GPHN: variants seen among roughly 807,000 people sequenced by gnomAD.
The protein encoded by GPHN is gephyrin.
GPHN carries 17 observed loss-of-function variants against 95.5 expected under a neutral mutation model. That is an observed-to-expected ratio of 0.18 (90% CI 0.12 to 0.27). GPHN has a LOEUF of 0.27. GPHN is among the 10% of genes least tolerant of loss of function. The probability of loss-of-function intolerance (pLI) is 1.00; values close to 1 mark genes in which losing one functional copy is unlikely to be tolerated. For synonymous variants in GPHN, 320 were observed against 322.5 expected, an observed-to-expected ratio of 0.99 and a Z score of 0.08; for missense variants, 660 against 978.1, an observed-to-expected ratio of 0.67 and a Z score of 4.34.
chr14:67,352,890 A>C, the GPHN span: 1 of 1,463,516 alleles, frequency 6.8e-7, no homozygotes, highest in Non-Finnish European at 9.4e-7. Flanking sequence ...ATTTTTCTAA[A>C]ATAAATACTA....
chr14:66,508,924 G>A, intron 1 of GPHN: 1 of 381,424 alleles, frequency 2.6e-6, no homozygotes, highest in Non-Finnish European at 5.0e-6. Context: ...CGGGATCCCG[G>A]CTCCGCAGTC....
chr14:67,324,667 C>T, the GPHN span, among the ~76,000 whole-genome samples: 5 of 151,938 alleles, frequency 3.3e-5, no homozygotes, highest in Non-Finnish European at 5.9e-5. Flanking sequence ...TCACTGCAGG[C>T]GCAGACTCTG....
intron 18 of GPHN, among the ~76,000 whole-genome samples, chr14:67,150,187 A>C (rs1440173371): frequency 6.6e-6 from 1 of 152,038 alleles, no homozygotes; most frequent in East Asian, 1.9e-4. Flanking sequence ...TCACGCCTGT[A>C]ATCCCAGCAC....
the GPHN span, chr14:67,695,704 C>A: frequency 6.2e-7 from 1 of 1,614,128 alleles, no homozygotes; most frequent in Non-Finnish European, 8.5e-7. Flanking sequence ...GCTCAACCAT[C>A]TCTGCCGGCT....
the GPHN span, among the ~76,000 whole-genome samples, chr14:67,697,075 C>T: frequency 6.6e-6 from 1 of 152,176 alleles, no homozygotes; most frequent in Non-Finnish European, 1.5e-5. Flanking sequence ...CAGTCATTCA[C>T]GCATTTGACA....
the GPHN span, chr14:67,383,386 C>A: frequency 1.2e-6 from 2 of 1,613,542 alleles, no homozygotes; most frequent in Non-Finnish European, 1.7e-6. Context: ...GAGAAAATGC[C>A]GAAGTGGATG....
At chr14:67,116,810 A>G (rs1377762174) in intron 16 of GPHN, among the ~76,000 whole-genome samples, 1 of 152,214 alleles carries the variant, frequency 6.6e-6, no homozygotes, top group Non-Finnish European at 1.5e-5. Flanking sequence ...GACTCCTTAA[A>G]TTGTTTAAAA....
At chr14:67,579,968 T>G in the GPHN span, 1 of 1,234,272 alleles carries the variant, frequency 8.1e-7, no homozygotes, top group Non-Finnish European at 1.1e-6. Context: ...TCTGACTGTT[T>G]GGTAGCTCAT....
chr14:66,701,433 A>G (rs781770952), intron 2 of GPHN, among the ~76,000 whole-genome samples: 34 of 152,278 alleles, frequency 2.2e-4, no homozygotes, highest in Non-Finnish European at 4.4e-4. Context: ...GAACCATAAT[A>G]AGTGTGTGAA....
intron 10 of GPHN, among the ~76,000 whole-genome samples, chr14:67,038,935 C>G (rs2074565059): frequency 6.6e-6 from 1 of 152,144 alleles, no homozygotes. Flanking sequence ...TTTTCCCATT[C>G]TTGTTGTAAT....
At chr14:66,760,879 G>A (rs1017166310) in intron 2 of GPHN, 35 of 894,200 alleles carry the variant, frequency 3.9e-5, no homozygotes, top group Admixed American at 2.8e-4. Flanking sequence ...GAAAAAGAGC[G>A]ACAGAAAGTT....
rs1409853323 is a variant in GPHN, at chr14:67,181,466, A to G, written c.*529A>G. ...GTGGAGGCTCTGCCTTGCCTCAAGA[A>G]CCATCCCCTGCAGAGCATCCAGGGA... On this transcript the variant is annotated 3_prime_UTR_variant, in exon 23 of 23. Transcript: ENST00000478722. The G allele has an allele frequency of 3.5e-5, 18 of 519,226 alleles. No individual in the cohort carries two copies. In the Admixed American group the frequency reaches 3.9e-4, roughly 11 times the overall value. The allele number at this position is 519,226 out of a possible 1,614,324, so 32.2% of individuals were successfully genotyped here. A position where few individuals can be genotyped will look rare whatever the true frequency, so the allele number is the denominator to read the frequency against.
intron 9 of GPHN, among the ~76,000 whole-genome samples, chr14:66,976,920 G>T (rs1365562378): frequency 2.9e-5 from 4 of 140,126 alleles, no homozygotes; most frequent in African/African-American, 5.2e-5. Flanking sequence ...ATATGTGGGG[G>T]GGGGGGGAGT....
the GPHN span, chr14:67,724,716 C>A: frequency 1.0e-5 from 8 of 787,116 alleles, no homozygotes; most frequent in Admixed American, 2.0e-5. Context: ...ATTCAAGGAA[C>A]CTGGGATTCA....
intron 1 of GPHN, among the ~76,000 whole-genome samples, chr14:66,628,375 A>G (rs1458887024): frequency 6.6e-6 from 1 of 152,176 alleles, no homozygotes; most frequent in African/African-American, 2.4e-5. Context: ...CTGTCAGGCT[A>G]CAAACTATAC....
the GPHN span, chr14:67,583,870 G>A: frequency 1.1e-5 from 18 of 1,613,658 alleles, no homozygotes; most frequent in East Asian, 2.9e-4. Context: ...TGGGGCCCCC[G>A]CTGAACAGCT....
the GPHN span, among the ~76,000 whole-genome samples, chr14:67,474,662 G>A: frequency 1.3e-5 from 2 of 152,096 alleles, no homozygotes; most frequent in Admixed American, 6.5e-5. Context: ...ACCATCTCCA[G>A]AACTTTTTCA....
At chr14:67,409,040 C>T in the GPHN span, among the ~76,000 whole-genome samples, 1 of 146,006 alleles carries the variant, frequency 6.8e-6, no homozygotes, top group African/African-American at 2.6e-5. Flanking sequence ...CATGGTGAGA[C>T]ATTGTCGCTA....
the GPHN span, among the ~76,000 whole-genome samples, chr14:67,617,921 G>T: frequency 6.6e-6 from 1 of 152,060 alleles, no homozygotes; most frequent in Non-Finnish European, 1.5e-5. Context: ...GTTTCTCCAT[G>T]TTGGTCAGGC....
Sources: gnomAD v4.1 joint callset for allele counts (sites outside exome capture counted in the v4.1 genomes callset) on GRCh38, gnomAD v4.1.1 for gene constraint, MANE v1.5 for transcripts, NCBI Gene and HGNC (gene_info 2026-07-23, HGNC 2026-07-21) for gene names.